The following SCLT1 variants were observed in gnomAD, a reference collection of about 807,000 sequenced individuals.
SCLT1 encodes sodium channel and clathrin linker 1, also known as sodium channel-associated protein 1.
In SCLT1, 78 loss-of-function variants were observed where a neutral mutation model predicts 112.8. The observed-to-expected ratio is 0.69, with a 90% CI of 0.58 to 0.83. The LOEUF is 0.83. Ranked by LOEUF, SCLT1 falls within the 40% of genes least tolerant of loss-of-function variation. The pLI, the probability that SCLT1 is intolerant of heterozygous loss-of-function variation, is 0.00. For missense variants in SCLT1, 747 were observed against 770.4 expected (o/e 0.97, Z 0.36); for synonymous variants, 257 against 254.7 (o/e 1.01, Z -0.09).
At chr4:128,929,853 T>G (rs1426602800) in intron 18 of SCLT1, among the ~76,000 whole-genome samples, 1 of 152,212 alleles carries the variant, frequency 6.6e-6, no homozygotes, top group African/African-American at 2.4e-5. Context: ...ATTCATGGTG[T>G]TATAACAAAA....
At chr4:129,042,655 T>C (rs187216748) in intron 4 of SCLT1, among the ~76,000 whole-genome samples, 1 of 152,282 alleles carries the variant, frequency 6.6e-6, no homozygotes, top group Non-Finnish European at 1.5e-5. Context: ...GAGAATATTT[T>C]TTTTCTTCGA....
At chr4:129,028,832 A>C (rs573307229) in intron 5 of SCLT1, among the ~76,000 whole-genome samples, 3 of 146,290 alleles carry the variant, frequency 2.1e-5, no homozygotes, top group Non-Finnish European at 3.0e-5. Flanking sequence ...AATTTACAAC[A>C]AAAAAAAAAC....
At chr4:129,085,558 G>A (rs1307938790) in intron 1 of SCLT1, among the ~76,000 whole-genome samples, 1 of 152,056 alleles carries the variant, frequency 6.6e-6, no homozygotes, top group Non-Finnish European at 1.5e-5. Context: ...AAAGACACAT[G>A]AGCATGTATG....
chr4:128,883,368 C>T (rs1732690304), downstream of SCLT1, among the ~76,000 whole-genome samples: 3 of 151,884 alleles, frequency 2.0e-5, no homozygotes, highest in East Asian at 1.9e-4. Context: ...ATTCTCAGCT[C>T]CACGCAGAAG....
chr4:129,015,250 G>C (rs1744886514), intron 5 of SCLT1, among the ~76,000 whole-genome samples: 1 of 152,108 alleles, frequency 6.6e-6, no homozygotes. Context: ...GTTGCCATGG[G>C]TCCAGGGGTG....
At chr4:128,898,097 A>C (rs933920237) in intron 18 of SCLT1, among the ~76,000 whole-genome samples, 4 of 152,176 alleles carry the variant, frequency 2.6e-5, no homozygotes, top group Non-Finnish European at 4.4e-5. Context: ...CCCCACTGTC[A>C]ACATTAGACA....
At chr4:129,007,559 G>C (rs571517769) in intron 5 of SCLT1, among the ~76,000 whole-genome samples, 2 of 152,184 alleles carry the variant, frequency 1.3e-5, no homozygotes, top group South Asian at 2.1e-4. Flanking sequence ...CATGTTTTCA[G>C]TTAGCACTTC....
At chr4:129,090,404 G>A (rs1230939227) in intron 1 of SCLT1, among the ~76,000 whole-genome samples, 1 of 152,160 alleles carries the variant, frequency 6.6e-6, no homozygotes, top group Non-Finnish European at 1.5e-5. Flanking sequence ...GGCATCCAAT[G>A]CAAGAAAGTG....
At chr4:128,921,435 T>C (rs1305442307) in intron 18 of SCLT1, among the ~76,000 whole-genome samples, 2 of 152,056 alleles carry the variant, frequency 1.3e-5, no homozygotes, top group African/African-American at 4.8e-5. Flanking sequence ...CAAAACAGCA[T>C]GGTACTGGTA....
chr4:129,075,907 C>T (rs1428146256), intron 2 of SCLT1, among the ~76,000 whole-genome samples: 1 of 152,136 alleles, frequency 6.6e-6, no homozygotes, highest in Non-Finnish European at 1.5e-5. Flanking sequence ...AACTCCTATA[C>T]ATTGTACAAG....
chr4:128,970,126 G>A (rs745388136), intron 10 of SCLT1, among the ~76,000 whole-genome samples: 18 of 152,072 alleles, frequency 1.2e-4, no homozygotes, highest in South Asian at 4.1e-4. Context: ...ATCAATTTGC[G>A]TTTCAGTAAT....
intron 5 of SCLT1, among the ~76,000 whole-genome samples, chr4:129,025,137 T>C (rs200714761): frequency 1.3e-4 from 20 of 151,476 alleles, no homozygotes; most frequent in African/African-American, 2.4e-4. Flanking sequence ...AGGATATTAT[T>C]CAGGAGAACT....
At chr4:129,081,197 T>A (rs919763393) in intron 2 of SCLT1, among the ~76,000 whole-genome samples, 1 of 152,178 alleles carries the variant, frequency 6.6e-6, no homozygotes, top group Admixed American at 6.5e-5. Flanking sequence ...CTGCTATACT[T>A]CTTATTGAAT....
chr4:128,917,751 A>G (rs1735581093), intron 18 of SCLT1, among the ~76,000 whole-genome samples: 3 of 152,166 alleles, frequency 2.0e-5, no homozygotes, highest in African/African-American at 4.8e-5. Context: ...ATAATGAGAA[A>G]AGCTAACAGA....
chr4:129,026,019 A>T (rs1196855498), intron 5 of SCLT1, among the ~76,000 whole-genome samples: 1 of 152,226 alleles, frequency 6.6e-6, no homozygotes, highest in Non-Finnish European at 1.5e-5. Context: ...ATATATATGC[A>T]CCGAATACAG....
Position 128,975,040 on chromosome 4 carries a change from CTT to C in SCLT1, c.687-4574_687-4573del, listed in dbSNP as rs34603915. On this transcript the variant is annotated intron_variant, in intron 9 of 20. Transcript: ENST00000281142. ...GATATTAAACAGATTTGAATGACAA[CTT>C]TTTTTTTTTTTTTTGAGATGGAGTC... Among the ~76,000 whole-genome samples the C allele has an allele frequency of 3.0e-4, 26 of 87,030 alleles. 1 individual carries two copies. Among genetic ancestry groups the C allele is most frequent in the African/African-American group, 4.3e-4 (8 of 18,518 alleles). 57.1% of individuals were successfully genotyped at this position (87,030 alleles called of 152,430 possible). A position where few individuals can be genotyped will look rare whatever the true frequency, so the allele number is the denominator to read the frequency against.
intron 7 of SCLT1, 140 bp downstream of exon 7, chr4:128,999,532 T>C (rs1313863857): frequency 2.1e-6 from 1 of 486,638 alleles, no homozygotes; most frequent in Non-Finnish European, 3.6e-6. Context: ...CAAAGATCTA[T>C]ATATTATTAA....
chr4:128,881,038 T>A (rs757931649), downstream of SCLT1, among the ~76,000 whole-genome samples: 2 of 152,154 alleles, frequency 1.3e-5, no homozygotes, highest in African/African-American at 2.4e-5. Context: ...TCAGATGCCT[T>A]TCTGTCCTAT....
At position 129,070,610 on chromosome 4, in the gene SCLT1, C is replaced by T. The variant is rs554470242; in HGVS notation, c.102+11696G>A. On this transcript the variant is annotated intron_variant, in intron 2 of 20. Transcript: ENST00000281142. ...CAGTGGTGACAGTTGTAATACCTCGCGTTTCATTTCTTAGTGAGGTTATTG... is the reference window on the plus strand; with the variant it reads ...CAGTGGTGACAGTTGTAATACCTCGTGTTTCATTTCTTAGTGAGGTTATTG... Among the ~76,000 whole-genome samples the T allele has an allele frequency of 5.3e-5, 8 of 152,088 alleles. No individual in the cohort carries two copies. The East Asian group carries it at 5.8e-4, about 11-fold the overall frequency.
Sources: allele counts gnomAD v4.1 joint callset (sites outside exome capture counted in the v4.1 genomes callset), GRCh38; gene constraint gnomAD v4.1.1; transcripts MANE v1.5; gene names NCBI Gene and HGNC (gene_info 2026-07-23, HGNC 2026-07-21).